Variants in GALNTL6 observed in about 807,000 individuals in gnomAD.
The protein encoded by GALNTL6 is polypeptide N-acetylgalactosaminyltransferase like 6.
In GALNTL6, 46 loss-of-function variants were observed where a neutral mutation model predicts 73.7. The observed-to-expected ratio is 0.62, with a 90% CI of 0.49 to 0.80. The LOEUF (loss-of-function observed/expected upper bound fraction) is 0.80. Among genes scored for constraint, GALNTL6 ranks in the 30% least tolerant of loss-of-function variants. The probability of loss-of-function intolerance (pLI) is 0.00; values close to 1 mark genes in which losing one functional copy is unlikely to be tolerated. For missense variants in GALNTL6, 604 were observed against 755.0 expected, an observed-to-expected ratio of 0.80 and a Z score of 2.34; for synonymous variants, 259 against 263.7, an observed-to-expected ratio of 0.98 and a Z score of 0.17.
chr4:172,815,319 T>C (rs1160757101), intron 7 of GALNTL6, among the ~76,000 whole-genome samples: 1 of 152,148 alleles, frequency 6.6e-6, no homozygotes, highest in African/African-American at 2.4e-5. Flanking sequence ...ACGTTTTAAA[T>C]GTAAAAATTT....
chr4:172,539,966 A>G (rs1043464939), intron 5 of GALNTL6, among the ~76,000 whole-genome samples: 2 of 148,002 alleles, frequency 1.4e-5, no homozygotes, highest in Non-Finnish European at 3.0e-5. Flanking sequence ...TGTCCCCATT[A>G]TAGACATGAA....
chr4:172,773,709 A>C (rs1222735032), intron 5 of GALNTL6, among the ~76,000 whole-genome samples: 1 of 152,214 alleles, frequency 6.6e-6, no homozygotes, highest in Non-Finnish European at 1.5e-5. Context: ...TATCTTTAAC[A>C]GGTGAAGAAA....
At chr4:172,286,867 G>A (rs1318988326) in intron 3 of GALNTL6, among the ~76,000 whole-genome samples, 1 of 152,176 alleles carries the variant, frequency 6.6e-6, no homozygotes, top group Non-Finnish European at 1.5e-5. Context: ...GTTCAGTAAG[G>A]TTTTTTATGA....
intron 2 of GALNTL6, among the ~76,000 whole-genome samples, chr4:172,050,144 A>G (rs1048241935): frequency 6.6e-6 from 1 of 152,118 alleles, no homozygotes; most frequent in African/African-American, 2.4e-5. Flanking sequence ...CCTCAGAATC[A>G]GTCCCTGAGC....
At chr4:172,845,216 C>CAAAAAAAAAAAAAAAAAAAAAAAA (rs11336973) in intron 7 of GALNTL6, among the ~76,000 whole-genome samples, 1 of 91,068 alleles carries the variant, frequency 1.1e-5, no homozygotes, top group Non-Finnish European at 2.4e-5. Flanking sequence ...GTCTCTGTCT[C>CAAAAAAAAAAAAAAAAAAAAAAAA]AAAAAAAAAA....
At chr4:172,480,415 C>T (rs1165414725) in intron 5 of GALNTL6, among the ~76,000 whole-genome samples, 1 of 152,162 alleles carries the variant, frequency 6.6e-6, no homozygotes, top group East Asian at 1.9e-4. Context: ...AGCTATTGCT[C>T]ATTTTAAAGC....
At chr4:171,960,616 T>G (rs1351987531) in intron 2 of GALNTL6, among the ~76,000 whole-genome samples, 1 of 151,126 alleles carries the variant, frequency 6.6e-6, no homozygotes, top group Non-Finnish European at 1.5e-5. Context: ...AGTAAATGGC[T>G]TCTGTTTTAA....
rs199700310 is a variant in GALNTL6, at chr4:172,364,091, G to GAA, written c.553+15408_553+15409dup. Among the ~76,000 whole-genome samples the GAA allele has an allele frequency of 8.1e-4, 124 of 152,160 alleles. 1 individual carries two copies. In the South Asian group the frequency reaches 0.016, roughly 20 times the overall value. On this transcript the variant is annotated intron_variant, in intron 5 of 12. Transcript: ENST00000506823. Reference sequence around the variant, plus strand: ...TAAACATGTTATTTGATTTTTCTGAGAAAAAAATTTCAATAAAGCAGACCT... The same window carrying GAA: ...TAAACATGTTATTTGATTTTTCTGAGAAAAAAAAATTTCAATAAAGCAGACCT...
Position 172,903,606 on chromosome 4 carries a change from A to T in GALNTL6, c.1041+20699A>T, listed in dbSNP as rs557196307. On this transcript the variant is annotated intron_variant, in intron 8 of 12. Transcript: ENST00000506823. ...TTTATTTTATTTACCAGTCTTACAC[A>T]AGAGAGGCAAAAGTTTTTTTTTGCA... Among the ~76,000 whole-genome samples the T allele has an allele frequency of 8.5e-5, 13 of 152,316 alleles. No individual in the cohort carries two copies. The South Asian group carries it at 2.7e-3, about 32-fold the overall frequency.
Position 172,813,269 on chromosome 4 carries a change from G to A in GALNTL6, c.740-271G>A, listed in dbSNP as rs117618218. The stretch of plus-strand genomic sequence containing the variant: ...ACTGGGGACAGGTCAGGGCAAAAAT[G>A]TGACAGAGGTAGAGCTAAATGGACT... On this transcript the variant is annotated intron_variant, in intron 6 of 12. Transcript: ENST00000506823. 8.5e-5 allele frequency among the ~76,000 whole-genome samples: 13 copies of A among 152,274 alleles called. No homozygotes were observed. In the East Asian group the frequency reaches 1.9e-3, roughly 23 times the overall value.
intron 2 of GALNTL6, among the ~76,000 whole-genome samples, chr4:172,124,912 C>T (rs1445798775): frequency 2.0e-5 from 3 of 151,994 alleles, no homozygotes; most frequent in African/African-American, 4.8e-5. Flanking sequence ...AAATTAGACA[C>T]ATCAAGAAAT....
At chr4:172,379,409 A>T (rs1349783798) in intron 5 of GALNTL6, among the ~76,000 whole-genome samples, 1 of 151,928 alleles carries the variant, frequency 6.6e-6, no homozygotes, top group African/African-American at 2.4e-5. Flanking sequence ...GGGCGCCTGT[A>T]GTCCCAGCTA....
At chr4:172,588,695 T>C (rs903590900) in intron 5 of GALNTL6, among the ~76,000 whole-genome samples, 4 of 152,198 alleles carry the variant, frequency 2.6e-5, no homozygotes, top group African/African-American at 9.6e-5. Context: ...GGTAAGTGGT[T>C]CTAACCACAG....
chr4:172,667,327 G>A (rs1160835405), intron 5 of GALNTL6: 2 of 152,214 alleles, frequency 1.3e-5, no homozygotes, highest in Non-Finnish European at 2.9e-5. Context: ...AGGGAACACT[G>A]TGATAAAGCC....
At chr4:172,385,813 T>C (rs1274331723) in intron 5 of GALNTL6, among the ~76,000 whole-genome samples, 1 of 151,984 alleles carries the variant, frequency 6.6e-6, no homozygotes, top group Non-Finnish European at 1.5e-5. Context: ...ACCATGTCTT[T>C]TGCTTCTTTG....
At chr4:173,016,157 TC>T (rs1432654457) in intron 11 of GALNTL6, among the ~76,000 whole-genome samples, 18 of 152,212 alleles carry the variant, frequency 1.2e-4, no homozygotes, top group African/African-American at 4.3e-4. Flanking sequence ...TGCCTGGCTG[TC>T]CGGGCAGAGG....
At chr4:172,653,688 A>G (rs1579293111) in intron 5 of GALNTL6, among the ~76,000 whole-genome samples, 1 of 152,202 alleles carries the variant, frequency 6.6e-6, no homozygotes, top group African/African-American at 2.4e-5. Flanking sequence ...ATTCTCTTCC[A>G]TCATTTAGGA....
At chr4:172,671,668 C>T (rs1008902691) in intron 5 of GALNTL6, among the ~76,000 whole-genome samples, 1 of 152,110 alleles carries the variant, frequency 6.6e-6, no homozygotes, top group Middle Eastern at 3.4e-3. Context: ...TCCTGATTGC[C>T]CAGGCCAGGA....
intron 2 of GALNTL6, among the ~76,000 whole-genome samples, chr4:172,201,851 C>A (rs79231776): frequency 0.02 from 3,103 of 152,258 alleles, 107 homozygotes; most frequent in African/African-American, 0.068. Context: ...TCAGCCAGCA[C>A]TCTCCTGCAG....
Sources: gnomAD v4.1 joint callset for allele counts (sites outside exome capture counted in the v4.1 genomes callset) on GRCh38, gnomAD v4.1.1 for gene constraint, MANE v1.5 for transcripts, NCBI Gene and HGNC (gene_info 2026-07-23, HGNC 2026-07-21) for gene names.